Variants in THADA observed in about 807,000 individuals in gnomAD.
THADA encodes the protein THADA armadillo repeat containing.
Under a neutral mutation model 219.8 loss-of-function variants are expected in THADA, and 213 were observed. The ratio of observed to expected loss-of-function variants is 0.97; its 90% CI spans 0.87 to 1.09. The LOEUF (loss-of-function observed/expected upper bound fraction) is 1.09, where lower values mean the gene tolerates loss of function less well. Among genes scored for constraint, THADA ranks in the 50% least tolerant of loss-of-function variants. The pLI is 0.00. For missense variants in THADA, 2,956 were observed against 2,311.3 expected (o/e 1.28, Z -5.72); for synonymous variants, 1,018 against 828.9 (o/e 1.23, Z -3.92).
intron 31 of THADA, among the ~76,000 whole-genome samples, chr2:43,317,179 C>T (rs890301773): frequency 7.9e-5 from 12 of 152,184 alleles, no homozygotes; most frequent in Non-Finnish European, 1.0e-4. Flanking sequence ...TGGTATACTT[C>T]CTACTCTGGA....
intron 36 of THADA, among the ~76,000 whole-genome samples, chr2:43,236,905 C>CAAAA (rs57933660): frequency 8.7e-6 from 1 of 115,320 alleles, no homozygotes; most frequent in African/African-American, 3.1e-5. Flanking sequence ...ACTAAAAATA[C>CAAAA]AAAAAAAAAA....
intron 31 of THADA, among the ~76,000 whole-genome samples, chr2:43,308,827 A>C (rs1255816459): frequency 6.7e-6 from 1 of 150,064 alleles, no homozygotes; most frequent in African/African-American, 2.4e-5. Flanking sequence ...AATTAACGTG[A>C]GATAGACTAC....
chr2:43,285,587 T>C (rs904827907), intron 35 of THADA, among the ~76,000 whole-genome samples: 52 of 151,312 alleles, frequency 3.4e-4, no homozygotes, highest in African/African-American at 1.2e-3. Context: ...TTTTTTGAGA[T>C]GGAGTTTTGC....
intron 12 of THADA, 91 bp downstream of exon 12, chr2:43,572,723 G>C: frequency 8.3e-7 from 1 of 1,210,790 alleles, no homozygotes; most frequent in Non-Finnish European, 1.1e-6. Flanking sequence ...CCCTAAAACA[G>C]TTCAGGATAC....
intron 26 of THADA, among the ~76,000 whole-genome samples, chr2:43,453,919 G>C (rs558357634): frequency 1.3e-5 from 2 of 152,208 alleles, no homozygotes; most frequent in Non-Finnish European, 2.9e-5. Context: ...TTAAGAGACA[G>C]TGTCTTGCTC....
At chr2:43,265,625 C>T (rs926814473) in intron 36 of THADA, among the ~76,000 whole-genome samples, 1 of 152,088 alleles carries the variant, frequency 6.6e-6, no homozygotes, top group Non-Finnish European at 1.5e-5. Context: ...TAACAAGGGC[C>T]GGGCAGGCAG....
intron 26 of THADA, among the ~76,000 whole-genome samples, chr2:43,431,881 G>A (rs1422700799): frequency 2.2e-5 from 1 of 46,414 alleles, no homozygotes; most frequent in East Asian, 5.3e-4. Context: ...TTTTGAGACG[G>A]AGTCTCGCTC....
rs1321560555 is a variant in THADA at position 43,231,017 on chromosome 2, A to T, written c.5793T>A (p.Val1931=). 12 of 1,613,762 alleles carry T rather than the reference A, an allele frequency of 7.4e-6. No individual in the cohort carries two copies. In the South Asian group the frequency reaches 1.3e-4, roughly 18 times the overall value. ...LEGKEGEDTL[V]LSVWDSYAES... is the part of the protein sequence containing the mutation. ...CTGCATAAGAGTCCCAAACACTGAG[A>T]ACTAGGGTGTCTTCCCCTTCCTTTC... is the stretch of plus-strand genomic sequence containing the variant. Residue 1931 remains valine, a synonymous_variant, in exon 38 of 38, where the codon GTT becomes GTA. Transcript: ENST00000405975.
chr2:43,524,653 A>G (rs552377111), intron 22 of THADA, among the ~76,000 whole-genome samples: 1 of 152,336 alleles, frequency 6.6e-6, no homozygotes, highest in Non-Finnish European at 1.5e-5. Context: ...CACACACTGT[A>G]AAGATGTTCT....
chr2:43,408,164 T>C (rs1011233771), intron 28 of THADA: 12 of 152,242 alleles, frequency 7.9e-5, no homozygotes, highest in African/African-American at 2.9e-4. Context: ...GTTGCAGCCA[T>C]CAACCAACAG....
intron 30 of THADA, among the ~76,000 whole-genome samples, chr2:43,323,282 C>T (rs779787616): frequency 1.3e-5 from 2 of 152,194 alleles, no homozygotes; most frequent in Non-Finnish European, 2.9e-5. Flanking sequence ...CCTGGGACTA[C>T]AGGTGCATGC....
At chr2:43,493,805 T>A (rs141425706) in intron 25 of THADA, among the ~76,000 whole-genome samples, 2 of 152,314 alleles carry the variant, frequency 1.3e-5, no homozygotes, top group African/African-American at 4.8e-5. Flanking sequence ...TTAAAGACTA[T>A]CACTTTTCCC....
intron 2 of THADA, 69 bp from the exon 3 acceptor site, chr2:43,592,115 T>C: frequency 7.7e-7 from 1 of 1,296,462 alleles, no homozygotes; most frequent in Non-Finnish European, 1.1e-6. Context: ...TTGTTGTGCA[T>C]TCTACAAAAT....
chr2:43,292,254 G>A, intron 32 of THADA, 32 bp from the exon 33 acceptor site: 1 of 1,361,186 alleles, frequency 7.3e-7, no homozygotes, highest in Non-Finnish European at 1.0e-6. Context: ...ACAAAAAAGA[G>A]AAATAAATAC....
intron 26 of THADA, chr2:43,430,672 G>C (rs776665297): frequency 2.2e-6 from 1 of 457,146 alleles, no homozygotes; most frequent in South Asian, 1.5e-5. Flanking sequence ...TCAGTGATAA[G>C]GACAGGTCTA....
At chr2:43,527,285 G>C (rs1248716174) in intron 22 of THADA, among the ~76,000 whole-genome samples, 1 of 152,048 alleles carries the variant, frequency 6.6e-6, no homozygotes, top group African/African-American at 2.4e-5. Flanking sequence ...AGTAATTTAA[G>C]GTTTCCCCAC....
chr2:43,483,132 G>C (rs755300557), intron 26 of THADA, among the ~76,000 whole-genome samples: 3 of 152,146 alleles, frequency 2.0e-5, no homozygotes, highest in Admixed American at 6.5e-5. Flanking sequence ...GACAATCTGT[G>C]GTTGTGAAAG....
At chr2:43,348,454 T>G (rs192152007) in intron 29 of THADA, among the ~76,000 whole-genome samples, 14 of 152,196 alleles carry the variant, frequency 9.2e-5, no homozygotes, top group African/African-American at 3.4e-4. Flanking sequence ...AAATCTCTAC[T>G]AAAAGTTTGA....
chr2:43,587,706 C>T (rs1373802238), intron 4 of THADA, among the ~76,000 whole-genome samples: 1 of 152,172 alleles, frequency 6.6e-6, no homozygotes, highest in Non-Finnish European at 1.5e-5. Context: ...TTAGATAGCA[C>T]TCATGCCATC....
Sources: allele counts gnomAD v4.1 joint callset (sites outside exome capture counted in the v4.1 genomes callset), GRCh38; gene constraint gnomAD v4.1.1; transcripts MANE v1.5; gene names NCBI Gene and HGNC (gene_info 2026-07-23, HGNC 2026-07-21).